The following NRXN1 variants were observed in gnomAD, a reference collection of about 807,000 sequenced individuals.
NRXN1 encodes neurexin 1.
In NRXN1, 39 loss-of-function variants were observed where a neutral mutation model predicts 150.9. The observed-to-expected ratio is 0.26, with a 90% CI of 0.20 to 0.34. The LOEUF is 0.34. Among genes scored for constraint, NRXN1 ranks in the 10% least tolerant of loss-of-function variants. The probability of loss-of-function intolerance (pLI) is 1.00; values close to 1 mark genes in which losing one functional copy is unlikely to be tolerated. For missense variants in NRXN1, 1,815 were observed against 1,949.9 expected (o/e 0.93, Z 1.30); for synonymous variants, 924 against 757.0 (o/e 1.22, Z -3.62).
At chr2:50,903,566 A>AC (rs1683247304) in intron 5 of NRXN1, among the ~76,000 whole-genome samples, 2 of 151,956 alleles carry the variant, frequency 1.3e-5, no homozygotes, top group Admixed American at 1.3e-4. Flanking sequence ...TCATAGCCCC[A>AC]CCCCCACAAC....
chr2:50,033,027 T>TAC (rs1480609192), intron 21 of NRXN1, among the ~76,000 whole-genome samples: 2 of 151,660 alleles, frequency 1.3e-5, no homozygotes, highest in Non-Finnish European at 1.5e-5. Flanking sequence ...CATGTATGTA[T>TAC]ACACACATAT....
At chr2:50,358,945 C>A (rs2079003532) in intron 17 of NRXN1, among the ~76,000 whole-genome samples, 1 of 152,198 alleles carries the variant, frequency 6.6e-6, no homozygotes, top group Non-Finnish European at 1.5e-5. Context: ...CAAACAGGGT[C>A]TGGAGCGGAC....
intron 17 of NRXN1, among the ~76,000 whole-genome samples, chr2:50,271,208 T>C (rs575632209): frequency 2.0e-5 from 3 of 152,292 alleles, no homozygotes; most frequent in African/African-American, 7.2e-5. Context: ...GAAATGACCT[T>C]TTAAAACTCT....
intron 21 of NRXN1, among the ~76,000 whole-genome samples, chr2:50,009,375 G>A (rs907929670): frequency 2.0e-5 from 3 of 152,184 alleles, no homozygotes; most frequent in East Asian, 3.9e-4. Flanking sequence ...TCACTTATAT[G>A]AGGGCTAAAG....
chr2:50,276,384 G>A (rs992341059), intron 17 of NRXN1, among the ~76,000 whole-genome samples: 22 of 152,140 alleles, frequency 1.4e-4, no homozygotes, highest in African/African-American at 4.8e-4. Flanking sequence ...AACATTAAAA[G>A]GTAGAGTTTC....
intron 21 of NRXN1, chr2:49,974,072 C>T (rs752809462): frequency 9.5e-5 from 68 of 717,136 alleles, no homozygotes; most frequent in Non-Finnish European, 5.2e-6. Flanking sequence ...AAATTTAGTC[C>T]ATCCTCTGAA....
intron 21 of NRXN1, among the ~76,000 whole-genome samples, chr2:49,996,564 C>A (rs1234075784): frequency 1.3e-5 from 2 of 151,990 alleles, no homozygotes; most frequent in Non-Finnish European, 2.9e-5. Flanking sequence ...CTGGTGGGCC[C>A]AGTGTAATGA....
At chr2:50,076,091 T>C (rs1201706925) in intron 19 of NRXN1, among the ~76,000 whole-genome samples, 1 of 152,212 alleles carries the variant, frequency 6.6e-6, no homozygotes. Context: ...GTACAGAACA[T>C]ATATTTTGTG....
chr2:49,992,552 G>C (rs1682182878), intron 21 of NRXN1, among the ~76,000 whole-genome samples: 1 of 151,958 alleles, frequency 6.6e-6, no homozygotes, highest in East Asian at 1.9e-4. Flanking sequence ...AACAGAGTGA[G>C]ACTCTGTCTC....
At chr2:49,948,915 C>G (rs182218475) in intron 21 of NRXN1, among the ~76,000 whole-genome samples, 58 of 152,004 alleles carry the variant, frequency 3.8e-4, no homozygotes, top group African/African-American at 1.3e-3. Flanking sequence ...GTGCATTTAA[C>G]CACCCACAGG....
At chr2:50,508,071 A>G (rs1169884602) in intron 12 of NRXN1, among the ~76,000 whole-genome samples, 1 of 152,140 alleles carries the variant, frequency 6.6e-6, no homozygotes, top group Non-Finnish European at 1.5e-5. Flanking sequence ...TTCCATCCAC[A>G]TGAGATCATT....
chr2:50,923,555 C>G (rs1218309580), intron 3 of NRXN1: 1 of 192,644 alleles, frequency 5.2e-6, no homozygotes, highest in Non-Finnish European at 1.1e-5. Flanking sequence ...AATAATACTA[C>G]TAACATGCTT....
chr2:50,706,940 C>G (rs1280241190), intron 5 of NRXN1, among the ~76,000 whole-genome samples: 1 of 151,668 alleles, frequency 6.6e-6, no homozygotes, highest in Non-Finnish European at 1.5e-5. Context: ...TTTGAACAAT[C>G]ATGAGGTGGT....
chr2:50,974,075 A>T (rs1277511111), intron 2 of NRXN1, among the ~76,000 whole-genome samples: 6 of 152,270 alleles, frequency 3.9e-5, no homozygotes, highest in Non-Finnish European at 8.8e-5. Flanking sequence ...ACTCTAAGTG[A>T]TCCAAGTTTC....
chr2:50,822,307 G>A (rs958920157), intron 5 of NRXN1, among the ~76,000 whole-genome samples: 3 of 152,014 alleles, frequency 2.0e-5, no homozygotes, highest in East Asian at 1.9e-4. Flanking sequence ...AACAAGATAC[G>A]TTTCAAAGTA....
intron 18 of NRXN1, among the ~76,000 whole-genome samples, chr2:50,126,036 A>C (rs1704535601): frequency 6.6e-6 from 1 of 152,146 alleles, no homozygotes; most frequent in South Asian, 2.1e-4. Context: ...AACGAAGCAG[A>C]ACAATAGCAG....
chr2:49,926,460 G>C (rs1669123239), intron 22 of NRXN1: 1 of 397,460 alleles, frequency 2.5e-6, no homozygotes, highest in Non-Finnish European at 4.4e-6. Flanking sequence ...TGGTAACTTC[G>C]GTAAACACGA....
intron 17 of NRXN1, among the ~76,000 whole-genome samples, chr2:50,416,502 G>C (rs2083550095): frequency 6.6e-6 from 1 of 151,890 alleles, no homozygotes; most frequent in Non-Finnish European, 1.5e-5. Context: ...TCTATTTTAG[G>C]AGACATATGA....
chr2:50,863,836 T>C (rs1259273518), intron 5 of NRXN1, among the ~76,000 whole-genome samples: 1 of 151,986 alleles, frequency 6.6e-6, no homozygotes, highest in Non-Finnish European at 1.5e-5. Flanking sequence ...CAAATCCTTT[T>C]GAGACATAGG....
Sources: allele counts gnomAD v4.1 joint callset (sites outside exome capture counted in the v4.1 genomes callset), GRCh38; gene constraint gnomAD v4.1.1; transcripts MANE v1.5; gene names NCBI Gene and HGNC (gene_info 2026-07-23, HGNC 2026-07-21).